CELSR2: variants seen among roughly 807,000 people sequenced by gnomAD.
The protein encoded by CELSR2 is cadherin EGF LAG seven-pass G-type receptor 2.
Under a neutral mutation model 251.6 loss-of-function variants are expected in CELSR2, and 81 were observed. The ratio of observed to expected loss-of-function variants is 0.32; its 90% CI spans 0.27 to 0.39. The LOEUF is 0.39. CELSR2 is among the 10% of genes least tolerant of loss of function. The pLI is 1.00. For missense variants in CELSR2, 3,365 were observed against 3,947.7 expected (o/e 0.85, Z 3.96); for synonymous variants, 1,721 against 1,670.5 (o/e 1.03, Z -0.74).
At position 109,262,395 on chromosome 1, in the gene CELSR2, C is replaced by T; in HGVS notation, c.4495C>T (p.Leu1499=). The change falls in exon 6 of 34, where the codon CTG becomes TTG. Residue 1499 remains leucine (L), a synonymous_variant. Coordinates refer to ENST00000271332, the MANE Select transcript of CELSR2 (RefSeq NM_001408.3). ...TGVALRFGSV[L]GNYSCAAQGT... ...AGTGGCCTTGCGCTTCGGATCTGTC[C>T]TGGGCAACTACTCCTGTGCTGCCCA... 1 of 1,614,186 alleles carries T rather than the reference C, an allele frequency of 6.2e-7. No individual in the cohort carries two copies. Among genetic ancestry groups the T allele is most frequent in the Non-Finnish European group, 8.5e-7 (1 of 1,180,030 alleles).
In CELSR2 at chr1:109,262,397, G is replaced by A; in HGVS notation, c.4497G>A (p.Leu1499=). The A allele has an allele frequency of 1.2e-6, 2 of 1,614,168 alleles. No homozygotes were observed. The highest frequency in any genetic ancestry group is 1.1e-5 in the South Asian group (1 of 91,084). ...TGVALRFGSV[L]GNYSCAAQGT... The stretch of plus-strand genomic sequence containing the variant: ...TGGCCTTGCGCTTCGGATCTGTCCT[G>A]GGCAACTACTCCTGTGCTGCCCAGG... The change falls in exon 6 of 34, where the codon CTG becomes CTA. Residue 1499 remains leucine, a synonymous_variant. Coordinates refer to ENST00000271332, the MANE Select transcript of CELSR2 (RefSeq NM_001408.3).
intron 15 of CELSR2, among the ~76,000 whole-genome samples, chr1:109,267,341 C>A (rs1213361373): frequency 6.6e-6 from 1 of 152,164 alleles, no homozygotes; most frequent in Non-Finnish European, 1.5e-5. Flanking sequence ...ATGCCCTGTT[C>A]CCCTAGAGCC....
chr1:109,255,798 G>T (rs1655827182), intron 1 of CELSR2, among the ~76,000 whole-genome samples: 1 of 152,248 alleles, frequency 6.6e-6, no homozygotes. Context: ...GCAGGGGAGG[G>T]TGATATAGAA....
Position 109,263,502 on chromosome 1 carries a change from A to G in CELSR2, c.4835-109A>G, listed in dbSNP as rs1168526930. ...GTACGCACTTTGGAGGGCGGGGCTG[A>G]TGAGGGGAGTGGGCTCTGCCTCCCG... On this transcript the variant is annotated intron_variant, in intron 8 of 33. Transcript: ENST00000271332. The G allele has an allele frequency of 4.0e-6, 6 of 1,482,584 alleles. No homozygotes were observed. The East Asian group carries it at 1.4e-4, about 34-fold the overall frequency. 91.8% of individuals were successfully genotyped at this position (1,482,584 alleles called of 1,614,324 possible). A position where few individuals can be genotyped will look rare whatever the true frequency, so the allele number is the denominator to read the frequency against.
Position 109,259,065 on chromosome 1 carries a change from G to C in CELSR2, c.3944G>C (p.Arg1315Pro), listed in dbSNP as rs370453806. The C allele has an allele frequency of 4.2e-5, 66 of 1,589,034 alleles. No homozygotes were observed. Among genetic ancestry groups the C allele is most frequent in the Non-Finnish European group, 4.9e-5 (58 of 1,172,968 alleles). Residue 1315 changes from arginine to proline, a missense_variant, in exon 2 of 34, where the codon CGT (arginine) becomes CCT (proline). Physicochemically the swap from Arg to Pro is moderately radical, Grantham distance 103. This residue lies in a region of CELSR2 where 2,093 missense variants were observed against 2,382.8 expected (regional missense o/e 0.88). Coordinates refer to ENST00000271332, the MANE Select transcript of CELSR2 (RefSeq NM_001408.3). ...SREGGYTCLCRDGYTGEHCEV... is the reference protein window; with the variant it reads ...SREGGYTCLCPDGYTGEHCEV... The stretch of plus-strand genomic sequence containing the variant: ...GAGGGCGGCTACACCTGCCTCTGTC[G>C]TGATGGCTACACGGGTGAGCCAAGG...
At position 109,272,363 on chromosome 1, in the gene CELSR2, G is replaced by C. The variant is rs755480648; in HGVS notation, c.8012G>C (p.Arg2671Pro). 3.2e-5 allele frequency: 51 copies of C among 1,612,026 alleles called. No individual in the cohort carries two copies. Among genetic ancestry groups the C allele is most frequent in the Non-Finnish European group, 4.1e-5 (48 of 1,178,734 alleles). ...DSAGSLHSTS[R>P]SGKSQPSYIP... ...GCCGGCTCTCTGCACAGCACCAGTC[G>C]CTCGGGCAAGAGTCAGCCCAGCTAC... Residue 2671 changes from arginine to proline, a missense_variant, in exon 29 of 34, where the codon CGC becomes CCC. Around this residue, in one of 5 missense-constraint regions of CELSR2, gnomAD observed 2,093 missense variants for 2,382.8 expected, o/e 0.88. Transcript: ENST00000271332.
chr1:109,272,442 A>AG (rs771804879), intron 29 of CELSR2, 37 bp downstream of exon 29: 1 of 1,587,052 alleles, frequency 6.3e-7, no homozygotes, highest in Non-Finnish European at 8.6e-7. Flanking sequence ...GGAGGGGAGG[A>AG]GGGGCCCACG....
Position 109,270,923 on chromosome 1 carries a change from C to T in CELSR2, c.7484-4C>T, listed in dbSNP as rs1444475199. ...CACTGCTCCCGTCTGTCTCCATGCTCCAGGGCTAGCCGTGGGCCTGGACCC... is the reference window on the plus strand; with the variant it reads ...CACTGCTCCCGTCTGTCTCCATGCTTCAGGGCTAGCCGTGGGCCTGGACCC... On this transcript the variant is annotated splice_polypyrimidine_tract_variant and splice_region_variant and intron_variant, in intron 24 of 33. Coordinates refer to ENST00000271332, the MANE Select transcript of CELSR2 (RefSeq NM_001408.3). The T allele has an allele frequency of 9.3e-6, 15 of 1,609,660 alleles. No homozygotes were observed. The highest frequency in any genetic ancestry group is 1.3e-5 in the Non-Finnish European group (15 of 1,176,798).
chr1:109,261,445 A>G lies in CELSR2; in HGVS notation c.4182-68A>G. 6.8e-7 allele frequency: 1 copy of G among 1,469,402 alleles called. No individual in the cohort carries two copies. Among genetic ancestry groups the G allele is most frequent in the South Asian group, 1.1e-5 (1 of 88,028 alleles). The allele number at this position is 1,469,402 out of a possible 1,614,324, so 91.0% of individuals were successfully genotyped here. On this transcript the variant is annotated intron_variant, in intron 3 of 33. Coordinates refer to ENST00000271332, the MANE Select transcript of CELSR2 (RefSeq NM_001408.3). The surrounding 1 kb of genome is among the most constrained non-coding windows in gnomAD (Gnocchi z 4.8). ...CAGATCTCCCTCCCCTGCGCTGGTT[A>G]GGTGGCGGGGGTGCTGGCATCCAGG...
rs1422208096 is a variant in CELSR2, at chr1:109,251,019, A to T, written c.940A>T (p.Thr314Ser). The change falls in exon 1 of 34, where the codon ACG becomes TCG. Residue 314 changes from threonine (T) to serine (S), a missense_variant. Transcript: ENST00000271332. The surrounding 1 kb of genome is among the most constrained non-coding windows in gnomAD (Gnocchi z 4.9). ...VGYEVLTVRA[T>S]DGDAPPNANI... ...CTATGAGGTGCTCACTGTCAGGGCCACGGATGGTGATGCCCCTCCCAATGC... is the reference window on the plus strand; with the variant it reads ...CTATGAGGTGCTCACTGTCAGGGCCTCGGATGGTGATGCCCCTCCCAATGC... 6.2e-7 allele frequency: 1 copy of T among 1,613,496 alleles called. No homozygotes were observed. Among genetic ancestry groups the T allele is most frequent in the East Asian group, 2.2e-5 (1 of 44,876 alleles).
rs1189760774 is a variant in CELSR2 at position 109,270,619 on chromosome 1, AG to A, written c.7483+20del. On this transcript the variant is annotated intron_variant, in intron 24 of 33. Transcript: ENST00000271332. ...ATCACAGGTACTCCCACCCATTCCC[AG>A]TCTTGGGGTCCCACATCCCTGGGTC... 31 of 497,012 alleles carry A rather than the reference AG, an allele frequency of 6.2e-5. No homozygotes were observed. Among genetic ancestry groups the A allele is most frequent in the Non-Finnish European group, 7.9e-5 (27 of 339,822 alleles). 30.8% of individuals were successfully genotyped at this position (497,012 alleles called of 1,614,324 possible).
chr1:109,267,719 G>A, intron 16 of CELSR2, 77 bp downstream of exon 16: 1 of 1,568,348 alleles, frequency 6.4e-7, no homozygotes, highest in East Asian at 2.3e-5. Flanking sequence ...CCATCTTTGA[G>A]AACGGGGCTT....
intron 1 of CELSR2, among the ~76,000 whole-genome samples, chr1:109,254,442 T>C (rs1655788798): frequency 6.6e-6 from 1 of 152,140 alleles, no homozygotes; most frequent in Admixed American, 6.5e-5. Context: ...CAGTATTCTG[T>C]CTTTTTTTAT....
chr1:109,264,979 C>G lies in CELSR2; in HGVS notation c.5576C>G (p.Pro1859Arg), dbSNP rs1221167484. 2 of 1,614,200 alleles carry G rather than the reference C, an allele frequency of 1.2e-6. No homozygotes were observed. The highest frequency in any genetic ancestry group is 3.3e-5 in the Admixed American group (2 of 60,028). The change falls in exon 12 of 34, where the codon CCA becomes CGA. Residue 1859 changes from proline (P) to arginine (R), a missense_variant. Pro to Arg is a moderately radical substitution (Grantham distance 103, BLOSUM62 -2). This residue lies in a region of CELSR2 where 2,093 missense variants were observed against 2,382.8 expected (regional missense o/e 0.88). Transcript: ENST00000271332. ...APHGYTCECP[P>R]NYLGPYCETR... ...CATGGCTATACCTGCGAGTGTCCCC[C>G]AAATTACCTTGGGCCATACTGTGAG...
chr1:109,252,815 G>A lies in CELSR2; in HGVS notation c.2736G>A (p.Leu912=), dbSNP rs1313072833. The A allele has an allele frequency of 6.2e-7, 1 of 1,614,004 alleles. No homozygotes were observed. The highest frequency in any genetic ancestry group is 8.5e-7 in the Non-Finnish European group (1 of 1,180,014). The change falls in exon 1 of 34, where the codon TTG becomes TTA. Residue 912 remains leucine, a synonymous_variant. Transcript: ENST00000271332. This position sits in a 1 kb window ranked among gnomAD's most constrained non-coding sequence, Gnocchi z 4.8. ...RTPMEVTVTV[L]DVNDNPPVFE... is the part of the protein sequence containing the mutation. ...CTATGGAAGTGACAGTCACTGTGTT[G>A]GATGTGAATGACAATCCCCCTGTCT...
At chr1:109,257,964 C>A (rs1384653658) in intron 1 of CELSR2, among the ~76,000 whole-genome samples, 2 of 152,182 alleles carry the variant, frequency 1.3e-5, no homozygotes, top group Non-Finnish European at 2.9e-5. Flanking sequence ...CCCACTCCCC[C>A]CCACCCCCGC....
In CELSR2 at chr1:109,266,160, C is replaced by T. The variant is rs780448568; in HGVS notation, c.5967C>T (p.Thr1989=). The change falls in exon 15 of 34, where the codon ACC becomes ACT. Residue 1989 remains threonine, a synonymous_variant. Coordinates refer to ENST00000271332, the MANE Select transcript of CELSR2 (RefSeq NM_001408.3). The stretch of plus-strand genomic sequence containing the variant: ...AGGCTGGGATCTGGTGGCCCCGTAC[C>T]CGCTTCGGGCTGCCTGCTGCTGCTC... The part of the protein sequence containing the change: ...AIEAGIWWPR[T]RFGLPAAAPC... 2 of 1,614,162 alleles carry T rather than the reference C, an allele frequency of 1.2e-6. No homozygotes were observed. Among genetic ancestry groups the T allele is most frequent in the Non-Finnish European group, 1.7e-6 (2 of 1,180,038 alleles).
rs1655717891 is a variant in CELSR2 at position 109,252,345 on chromosome 1, C to G, written c.2266C>G (p.Pro756Ala). Residue 756 changes from proline (P) to alanine (A), a missense_variant, in exon 1 of 34, where the codon CCC (proline) becomes GCC (alanine). By Grantham distance (27) the Pro-to-Ala change is conservative. This residue lies in a region of CELSR2 where 505 missense variants were observed against 660.0 expected (regional missense o/e 0.77). Transcript: ENST00000271332. This position sits in a 1 kb window ranked among gnomAD's most constrained non-coding sequence, Gnocchi z 4.8. The stretch of plus-strand genomic sequence containing the variant: ...CACCTACTTCATGGAGGACAGCATC[C>G]CCCAGTTCCGCATCGATGCAGACAC... ...RITYFMEDSIPQFRIDADTGA... is the reference protein window; with the variant it reads ...RITYFMEDSIAQFRIDADTGA... The G allele has an allele frequency of 6.2e-7, 1 of 1,613,064 alleles. No individual in the cohort carries two copies. Among genetic ancestry groups the G allele is most frequent in the Non-Finnish European group, 8.5e-7 (1 of 1,180,028 alleles).
rs776946440 is a variant in CELSR2 at position 109,252,726 on chromosome 1, A to G, written c.2647A>G (p.Asn883Asp). Residue 883 changes from asparagine to aspartate, a missense_variant, in exon 1 of 34, where the codon AAC (asparagine) becomes GAC (aspartate). Asn to Asp is a conservative substitution (Grantham distance 23). Around this residue, in one of 5 missense-constraint regions of CELSR2, gnomAD observed 505 missense variants for 660.0 expected, o/e 0.77. Coordinates refer to ENST00000271332, the MANE Select transcript of CELSR2 (RefSeq NM_001408.3). This position sits in a 1 kb window ranked among gnomAD's most constrained non-coding sequence, Gnocchi z 4.8. Reference protein sequence around the residue: ...VRTLRRLDRENVAQYVLRAYA... With the variant: ...VRTLRRLDREDVAQYVLRAYA... ...AACGCTACGGAGGCTGGATCGAGAGAACGTGGCCCAGTATGTCTTGCGGGC... is the reference window on the plus strand; with the variant it reads ...AACGCTACGGAGGCTGGATCGAGAGGACGTGGCCCAGTATGTCTTGCGGGC... The G allele has an allele frequency of 6.2e-7, 1 of 1,614,038 alleles. No homozygotes were observed. Among genetic ancestry groups the G allele is most frequent in the South Asian group, 1.1e-5 (1 of 91,086 alleles).
Sources: gnomAD v4.1 joint callset for allele counts (sites outside exome capture counted in the v4.1 genomes callset) on GRCh38, gnomAD v4.1.1 for gene constraint, gnomAD v4.1.1 regional missense constraint, Gnocchi (gnomAD v3.1) non-coding constraint, MANE v1.5 for transcripts, NCBI Gene and HGNC (gene_info 2026-07-23, HGNC 2026-07-21) for gene names.